Variants in ZNF717 observed in about 807,000 individuals in gnomAD.
The protein encoded by ZNF717 is zinc finger protein 717, also known as krueppel-like factor X17.
In ZNF717, 9 loss-of-function variants were observed where a neutral mutation model predicts 13.8. The ratio of observed to expected loss-of-function variants is 0.65; its 90% CI spans 0.39 to 1.14. ZNF717 has a LOEUF of 1.14. Ranked by LOEUF, ZNF717 falls within the 50% of genes most tolerant of loss-of-function variation. The pLI, the probability that ZNF717 is intolerant of heterozygous loss-of-function variation, is 0.01. For synonymous variants in ZNF717, 327 were observed against 364.1 expected, an observed-to-expected ratio of 0.90 and a Z score of 1.16; for missense variants, 1,040 against 1,080.7, an observed-to-expected ratio of 0.96 and a Z score of 0.53.
chr3:75,719,578 T>C (rs1470177856), intron 4 of ZNF717, among the ~76,000 whole-genome samples: 3 of 152,214 alleles, frequency 2.0e-5, no homozygotes, highest in Non-Finnish European at 4.4e-5. Flanking sequence ...AACAGTGAGA[T>C]GCCATCCGCC....
intron 2 of ZNF717, among the ~76,000 whole-genome samples, chr3:75,746,301 T>C (rs1392699499): frequency 7.2e-5 from 11 of 152,340 alleles, no homozygotes; most frequent in Non-Finnish European, 1.3e-4. Context: ...TTTCAGTTGG[T>C]TCCAAGTCTT....
At chr3:75,703,955 A>G (rs1937748432) in intron 6 of ZNF717, among the ~76,000 whole-genome samples, 1 of 152,304 alleles carries the variant, frequency 6.6e-6, no homozygotes, top group African/African-American at 2.4e-5. Context: ...CTGTGGCCAT[A>G]CAAGACATCT....
At chr3:75,734,258 A>G (rs1374121309), downstream of ZNF717, among the ~76,000 whole-genome samples, 1 of 151,512 alleles carries the variant, frequency 6.6e-6, no homozygotes, top group African/African-American at 2.4e-5. Flanking sequence ...TTTATTAGAG[A>G]CAGTGTTTCA....
At chr3:75,739,938 A>T (rs1359544783) in intron 4 of ZNF717, among the ~76,000 whole-genome samples, 1 of 152,232 alleles carries the variant, frequency 6.6e-6, no homozygotes, top group Non-Finnish European at 1.5e-5. Flanking sequence ...TGTTAAACAA[A>T]AACAGATCCT....
intron 2 of ZNF717, among the ~76,000 whole-genome samples, chr3:75,774,071 G>C (rs1271449169): frequency 6.6e-6 from 1 of 151,886 alleles, no homozygotes; most frequent in Non-Finnish European, 1.5e-5. Context: ...AATAATAATA[G>C]ATTTGTCTAT....
At chr3:75,745,705 T>A (rs1435061883) in intron 2 of ZNF717, among the ~76,000 whole-genome samples, 2 of 152,076 alleles carry the variant, frequency 1.3e-5, no homozygotes, top group Non-Finnish European at 2.9e-5. Context: ...GTAGGAGTCA[T>A]GTCATGATAT....
At chr3:75,740,069 C>T (rs1240880484) in intron 4 of ZNF717, among the ~76,000 whole-genome samples, 10 of 151,474 alleles carry the variant, frequency 6.6e-5, no homozygotes, top group East Asian at 4.0e-4. Context: ...AGGCTGTGCC[C>T]GTCATCTTCG....
intron 2 of ZNF717, among the ~76,000 whole-genome samples, chr3:75,764,169 A>C (rs1194478419): frequency 6.6e-6 from 1 of 152,172 alleles, no homozygotes; most frequent in African/African-American, 2.4e-5. Context: ...CTCCAGCCCC[A>C]AGCCTGCTCC....
intron 2 of ZNF717, among the ~76,000 whole-genome samples, chr3:75,767,426 T>A (rs142128059): frequency 5.5e-4 from 84 of 152,304 alleles, no homozygotes; most frequent in African/African-American, 1.4e-3. Context: ...TTCTTCAGAA[T>A]AGATAACTGG....
chr3:75,745,153 G>GTTTTTTTTTTT (rs765947465), intron 2 of ZNF717, among the ~76,000 whole-genome samples: 2 of 118,216 alleles, frequency 1.7e-5, no homozygotes, highest in Non-Finnish European at 3.6e-5. Flanking sequence ...GCTGTGGTCT[G>GTTTTTTTTTTT]TTGTTTTTTT....
downstream of ZNF717, among the ~76,000 whole-genome samples, chr3:75,708,196 C>T (rs1421725702): frequency 6.6e-6 from 1 of 152,248 alleles, no homozygotes; most frequent in Non-Finnish European, 1.5e-5. Context: ...TGGGAGGCAC[C>T]CCCCAGTAGG....
chr3:75,695,572 T>A (rs1403499860), intron 6 of ZNF717, among the ~76,000 whole-genome samples: 2 of 152,266 alleles, frequency 1.3e-5, no homozygotes, highest in African/African-American at 4.8e-5. Flanking sequence ...ATAGACCATA[T>A]GTTAAGTAAC....
exon 6 of ZNF717, chr3:75,709,644 T>A (rs539605290): frequency 3.7e-4 from 56 of 152,338 alleles, no homozygotes; most frequent in African/African-American, 1.2e-3. Context: ...TTTTTTTTTG[T>A]ATAACGTTGT....
At chr3:75,745,770 T>C (rs373490053) in intron 2 of ZNF717, among the ~76,000 whole-genome samples, 276 of 152,124 alleles carry the variant, frequency 1.8e-3, no homozygotes, top group African/African-American at 5.9e-3. Flanking sequence ...TCCAGGTTCA[T>C]CCATGTTGTT....
intron 2 of ZNF717, among the ~76,000 whole-genome samples, chr3:75,769,498 C>G (rs1457190732): frequency 6.6e-6 from 1 of 152,154 alleles, no homozygotes; most frequent in Non-Finnish European, 1.5e-5. Flanking sequence ...AGGATAAATT[C>G]CTGGTTTAAG....
At chr3:75,780,878 C>T (rs1298609697) in intron 2 of ZNF717, among the ~76,000 whole-genome samples, 1 of 152,256 alleles carries the variant, frequency 6.6e-6, no homozygotes, top group Non-Finnish European at 1.5e-5. Flanking sequence ...TTTTGTTTTT[C>T]TCCTGTAAAC....
In ZNF717 at chr3:75,738,794, G is replaced by C. The variant is rs1234627798; in HGVS notation, c.829C>G (p.His277Asp). 6.4e-7 allele frequency: 1 copy of C among 1,553,104 alleles called. No individual in the cohort carries two copies. The highest frequency in any genetic ancestry group is 8.7e-7 in the Non-Finnish European group (1 of 1,147,942). The change falls in exon 5 of 5, where the codon CAC becomes GAC. Residue 277 changes from histidine (H) to aspartate (D), a missense_variant. His to Asp is a moderately conservative substitution (Grantham distance 81, BLOSUM62 -1). Around this residue, in one of 3 missense-constraint regions of ZNF717, gnomAD observed 873 missense variants for 832.8 expected, o/e 1.05. Transcript: ENST00000652011. ...CATTCATAGGGTTTCTCTCCTGTGT[G>C]TGTCTGCTGATGTTTAGTGAAGTCA... ...KSDFTKHQQT[H>D]TGEKPYECVE...
intron 1 of ZNF717, among the ~76,000 whole-genome samples, chr3:75,783,871 T>A (rs75485282): frequency 3.9e-5 from 6 of 152,204 alleles, no homozygotes; most frequent in Non-Finnish European, 7.3e-5. Context: ...TACTTTTTTT[T>A]AAATGTACAT....
At chr3:75,778,593 T>C (rs964738561) in intron 2 of ZNF717, among the ~76,000 whole-genome samples, 5 of 145,800 alleles carry the variant, frequency 3.4e-5, no homozygotes, top group South Asian at 2.2e-4. Flanking sequence ...GGGAGTGACC[T>C]GCCAAAACCA....
Sources: allele counts gnomAD v4.1 joint callset (sites outside exome capture counted in the v4.1 genomes callset), GRCh38; gene constraint gnomAD v4.1.1; regional missense constraint gnomAD v4.1.1; transcripts MANE v1.5; gene names NCBI Gene and HGNC (gene_info 2026-07-23, HGNC 2026-07-21).